The following ANKFN1 variants were observed in gnomAD, a reference collection of about 807,000 sequenced individuals.
ANKFN1 encodes ankyrin repeat and fibronectin type-III domain-containing protein 1.
A neutral mutation model predicts 108.7 loss-of-function variants in ANKFN1; 74 were observed. That is an observed-to-expected ratio of 0.68 (90% CI 0.56 to 0.83). The LOEUF is 0.83. Ranked by LOEUF, ANKFN1 falls within the 40% of genes least tolerant of loss-of-function variation. The pLI is 0.00. For missense variants in ANKFN1, 1,505 were observed against 1,382.3 expected (o/e 1.09, Z -1.41); for synonymous variants, 547 against 516.2 (o/e 1.06, Z -0.81).
chr17:56,436,015 C>A (rs779002253), intron 8 of ANKFN1, among the ~76,000 whole-genome samples: 39 of 152,082 alleles, frequency 2.6e-4, no homozygotes, highest in Non-Finnish European at 4.9e-4. Context: ...TTTCCCATTA[C>A]ATTATAGACC....
At chr17:56,340,297 C>T (rs545942949) in intron 4 of ANKFN1, among the ~76,000 whole-genome samples, 1 of 152,052 alleles carries the variant, frequency 6.6e-6, no homozygotes, top group Non-Finnish European at 1.5e-5. Flanking sequence ...TGCAGAAGCT[C>T]TTTAGTTTAA....
intron 1 of ANKFN1, among the ~76,000 whole-genome samples, chr17:56,162,701 A>G (rs537912594): frequency 6.6e-6 from 1 of 152,328 alleles, no homozygotes; most frequent in South Asian, 2.1e-4. Flanking sequence ...TGGAAATATC[A>G]ATTAGCAAAC....
At chr17:56,236,644 A>G (rs547411306) in intron 3 of ANKFN1, among the ~76,000 whole-genome samples, 2 of 152,294 alleles carry the variant, frequency 1.3e-5, no homozygotes, top group East Asian at 3.9e-4. Context: ...AAACAAGGGT[A>G]GTTTGACTTC....
Position 56,326,085 on chromosome 17 carries a change from G to A in ANKFN1, c.54-136G>A, listed in dbSNP as rs1598409183. On this transcript the variant is annotated intron_variant, in intron 3 of 20. Transcript: ENST00000682825. ...AGTCTAGAGAATACACCTAGCCTCT[G>A]AGCCAAGCTGTTTACTTCTCCCTTT... is the stretch of plus-strand genomic sequence containing the variant. 4.0e-6 allele frequency: 5 copies of A among 1,243,110 alleles called. No individual in the cohort carries two copies. The East Asian group carries it at 7.4e-5, about 18-fold the overall frequency. The allele number at this position is 1,243,110 out of a possible 1,614,324, so 77.0% of individuals were successfully genotyped here.
rs909733250 is a variant in ANKFN1, at chr17:56,269,753, C to T, written c.53+41796C>T. On this transcript the variant is annotated intron_variant, in intron 3 of 20. Transcript: ENST00000682825. ...GCAAGGAAAATGCAACAGAATGCCA[C>T]ATACATCAAGCAGCTTTCACAGTCT... Among the ~76,000 whole-genome samples, 16 of 152,204 alleles carry T rather than the reference C, an allele frequency of 1.1e-4. 1 individual carries two copies. The highest frequency in any genetic ancestry group is 1.0e-3 in the Admixed American group (16 of 15,280).
chr17:56,076,734 C>T (rs141821262), intron 4 of ANKFN1, among the ~76,000 whole-genome samples: 23 of 152,012 alleles, frequency 1.5e-4, no homozygotes, highest in African/African-American at 5.1e-4. Context: ...ATGCAACCAG[C>T]GTACTATTTG....
In ANKFN1 at chr17:56,442,786, G is replaced by A. The variant is rs1457413725; in HGVS notation, c.1009-57G>A. 23 of 1,455,854 alleles carry A rather than the reference G, an allele frequency of 1.6e-5. 1 individual carries two copies. The East Asian group carries it at 5.2e-4, about 33-fold the overall frequency. 90.2% of individuals were successfully genotyped at this position (1,455,854 alleles called of 1,614,324 possible). On this transcript the variant is annotated intron_variant, in intron 9 of 20. Transcript: ENST00000682825. ...AGTTATTAAATTCTATACCCATAGA[G>A]TCTAGGGTAAAAATGATTAAATAAA... is the stretch of plus-strand genomic sequence containing the variant.
chr17:56,050,079 C>T (rs1904748810), intron 4 of ANKFN1, among the ~76,000 whole-genome samples: 1 of 151,844 alleles, frequency 6.6e-6, no homozygotes, highest in South Asian at 2.1e-4. Flanking sequence ...TTAATGATTG[C>T]CATTCTAACT....
intron 3 of ANKFN1, among the ~76,000 whole-genome samples, chr17:56,235,583 TA>T (rs1451536407): frequency 6.6e-6 from 1 of 152,228 alleles, no homozygotes; most frequent in Non-Finnish European, 1.5e-5. Context: ...GCTAGCCTGT[TA>T]CCCCAGCACC....
At chr17:56,215,400 A>T (rs1479653001) in intron 2 of ANKFN1, among the ~76,000 whole-genome samples, 5 of 152,244 alleles carry the variant, frequency 3.3e-5, no homozygotes, top group Non-Finnish European at 5.9e-5. Flanking sequence ...GAGAAAGCCC[A>T]TTACCAATAA....
intron 6 of ANKFN1, among the ~76,000 whole-genome samples, chr17:56,363,472 G>A (rs879525488): frequency 6.6e-6 from 1 of 152,132 alleles, no homozygotes; most frequent in African/African-American, 2.4e-5. Flanking sequence ...CACTGTTAGT[G>A]GGGATGTAAA....
rs1285547470 is a variant in ANKFN1, at chr17:56,511,057, A to T, written c.3229A>T (p.Asn1077Tyr). ...AHAASLPEER[N>Y]SSLQDARPSV... ...CGCTGCCAGCCTTCCTGAGGAGCGG[A>T]ACAGCAGTCTCCAGGACGCGAGGCC... Residue 1077 changes from asparagine to tyrosine, a missense_variant, in exon 21 of 21, where the codon AAC becomes TAC. Transcript: ENST00000682825. 6.5e-7 allele frequency: 1 copy of T among 1,535,854 alleles called. No individual in the cohort carries two copies. The highest frequency in any genetic ancestry group is 2.4e-5 in the East Asian group (1 of 40,916).
intron 3 of ANKFN1, among the ~76,000 whole-genome samples, chr17:56,313,637 A>G (rs903799792): frequency 6.6e-6 from 1 of 152,156 alleles, no homozygotes; most frequent in Non-Finnish European, 1.5e-5. Context: ...ATGCCTGCCC[A>G]TTCTTAGATT....
At chr17:56,316,911 T>A (rs1484948448) in intron 3 of ANKFN1, among the ~76,000 whole-genome samples, 1 of 152,176 alleles carries the variant, frequency 6.6e-6, no homozygotes, top group Non-Finnish European at 1.5e-5. Flanking sequence ...GAATAGAGAA[T>A]AGAATTCTAT....
chr17:56,411,680 G>A (rs2048094313), intron 8 of ANKFN1, among the ~76,000 whole-genome samples: 1 of 152,094 alleles, frequency 6.6e-6, no homozygotes. Flanking sequence ...TGATTTTGTG[G>A]AGACTTTTTA....
chr17:56,136,551 G>A (rs564087692), intron 4 of ANKFN1, among the ~76,000 whole-genome samples: 51 of 151,916 alleles, frequency 3.4e-4, no homozygotes, highest in African/African-American at 1.2e-3. Context: ...TCAGAGAGAG[G>A]AAAAAAAGAC....
chr17:56,161,396 C>T (rs891578511), intron 1 of ANKFN1, among the ~76,000 whole-genome samples: 6 of 152,248 alleles, frequency 3.9e-5, no homozygotes, highest in Admixed American at 2.0e-4. Context: ...ATTTCCATTT[C>T]GTATCCCACT....
Position 56,353,829 on chromosome 17 carries a change from T to G in ANKFN1, c.391-7T>G, listed in dbSNP as rs1211139303. ...AATTGTGCTGATCTACTTTTGCTCC[T>G]CTCTAGAATTTCCAGGGCAATGAAG... On this transcript the variant is annotated splice_region_variant and splice_polypyrimidine_tract_variant and intron_variant, in intron 5 of 20. Transcript: ENST00000682825. The G allele has an allele frequency of 6.2e-7, 1 of 1,613,690 alleles. No homozygotes were observed. Among genetic ancestry groups the G allele is most frequent in the East Asian group, 2.2e-5 (1 of 44,828 alleles).
intron 3 of ANKFN1, among the ~76,000 whole-genome samples, chr17:56,241,274 A>AAAAC (rs1567858579): frequency 1.3e-5 from 2 of 152,136 alleles, no homozygotes; most frequent in Non-Finnish European, 1.5e-5. Context: ...ACCCTGTTCT[A>AAAAC]AAACAAACAA....
Sources: allele counts gnomAD v4.1 joint callset (sites outside exome capture counted in the v4.1 genomes callset), GRCh38; gene constraint gnomAD v4.1.1; transcripts MANE v1.5; gene names NCBI Gene and HGNC (gene_info 2026-07-23, HGNC 2026-07-21).